Variants in MARCHF1 observed in about 807,000 individuals in gnomAD.
MARCHF1 encodes E3 ubiquitin-protein ligase MARCHF1.
A neutral mutation model predicts 54.2 loss-of-function variants in MARCHF1; 40 were observed. That is an observed-to-expected ratio of 0.74 (90% confidence interval 0.57 to 0.96). The LOEUF is 0.96. Among genes scored for constraint, MARCHF1 ranks in the 40% least tolerant of loss-of-function variants. MARCHF1 has a pLI of 0.00. For missense variants in MARCHF1, 586 were observed against 656.5 expected (o/e 0.89, Z 1.17); for synonymous variants, 236 against 236.3 (o/e 1.00, Z 0.01).
At chr4:164,101,518 G>C (rs929600319) in intron 2 of MARCHF1, among the ~76,000 whole-genome samples, 1 of 128,600 alleles carries the variant, frequency 7.8e-6, no homozygotes, top group African/African-American at 2.8e-5. Flanking sequence ...CACCTAACAT[G>C]GCAGGGTACT....
Position 163,585,933 on chromosome 4 carries a change from C to T in MARCHF1, c.1011-4G>A. 1 of 1,596,782 alleles carries T rather than the reference C, an allele frequency of 6.3e-7. No individual in the cohort carries two copies. Among genetic ancestry groups the T allele is most frequent in the Non-Finnish European group, 8.5e-7 (1 of 1,172,110 alleles). On this transcript the variant is annotated splice_region_variant and splice_polypyrimidine_tract_variant and intron_variant, in intron 7 of 9. Coordinates refer to ENST00000514618, the MANE Select transcript of MARCHF1 (RefSeq NM_001394959.1). ...ATCCCCTTCGCAGTGACAGATTCTGCAGAAAGACACAGCAGCCAGTATGAG... is the reference window on the plus strand; with the variant it reads ...ATCCCCTTCGCAGTGACAGATTCTGTAGAAAGACACAGCAGCCAGTATGAG...
chr4:163,755,951 A>T (rs1188033605), intron 4 of MARCHF1, among the ~76,000 whole-genome samples: 2 of 152,186 alleles, frequency 1.3e-5, no homozygotes, highest in African/African-American at 2.4e-5. Flanking sequence ...TCACAGATAT[A>T]CTGGTGCCAA....
chr4:163,890,266 T>A (rs1412701405), intron 3 of MARCHF1, among the ~76,000 whole-genome samples: 1 of 152,264 alleles, frequency 6.6e-6, no homozygotes, highest in Non-Finnish European at 1.5e-5. Flanking sequence ...TAGGAATGTA[T>A]GTTCTAATTT....
chr4:164,047,942 A>G (rs1474937908), intron 2 of MARCHF1, among the ~76,000 whole-genome samples: 2 of 152,168 alleles, frequency 1.3e-5, no homozygotes, highest in Non-Finnish European at 2.9e-5. Flanking sequence ...TTATCCTTCT[A>G]TGTAACCAAC....
intron 2 of MARCHF1, among the ~76,000 whole-genome samples, chr4:164,044,448 T>A (rs575231347): frequency 6.6e-6 from 1 of 152,102 alleles, no homozygotes; most frequent in East Asian, 1.9e-4. Flanking sequence ...TTGTGAGAAC[T>A]CACCCACTAT....
Position 164,050,355 on chromosome 4 carries a change from A to G in MARCHF1, c.-248+61233T>C, listed in dbSNP as rs540624237. On this transcript the variant is annotated intron_variant, in intron 2 of 9. Coordinates refer to ENST00000514618, the MANE Select transcript of MARCHF1 (RefSeq NM_001394959.1). ...CATCCTCCCACTGCATTCTCTATTA[A>G]CGGCATTTCCATTTCTTCAATAGCA... is the stretch of plus-strand genomic sequence containing the variant. Among the ~76,000 whole-genome samples the G allele has an allele frequency of 8.0e-5, 12 of 150,456 alleles. No individual in the cohort carries two copies. In the South Asian group the frequency reaches 2.5e-3, roughly 32 times the overall value.
intron 5 of MARCHF1, among the ~76,000 whole-genome samples, chr4:163,693,088 A>G (rs1341348456): frequency 6.6e-6 from 1 of 151,406 alleles, no homozygotes; most frequent in Admixed American, 6.6e-5. Flanking sequence ...GTCAAATATC[A>G]GAACAGTCCA....
intron 3 of MARCHF1, among the ~76,000 whole-genome samples, chr4:163,857,772 A>G (rs1749807859): frequency 6.6e-6 from 1 of 152,156 alleles, no homozygotes; most frequent in Non-Finnish European, 1.5e-5. Context: ...TTCAGAAAAC[A>G]TCTACTGAAC....
intron 1 of MARCHF1, among the ~76,000 whole-genome samples, chr4:164,226,699 C>A (rs1182927020): frequency 6.6e-6 from 1 of 151,730 alleles, no homozygotes; most frequent in Non-Finnish European, 1.5e-5. Flanking sequence ...AAACTTTGTA[C>A]TAAATGTATA....
intron 8 of MARCHF1, among the ~76,000 whole-genome samples, chr4:163,561,514 T>A (rs1739466730): frequency 6.6e-6 from 1 of 152,200 alleles, no homozygotes; most frequent in Admixed American, 6.5e-5. Context: ...CCAATACATC[T>A]ATCACACAAA....
intron 1 of MARCHF1, chr4:164,190,046 C>T: frequency 7.4e-7 from 1 of 1,342,722 alleles, no homozygotes; most frequent in Non-Finnish European, 1.1e-6. Flanking sequence ...TCAAGGAGTG[C>T]ATTGATACTA....
chr4:164,030,266 A>G (rs545375445), intron 2 of MARCHF1, among the ~76,000 whole-genome samples: 116 of 152,124 alleles, frequency 7.6e-4, no homozygotes, highest in African/African-American at 2.6e-3. Flanking sequence ...TTGGAAAAAA[A>G]TTAAAATCTA....
chr4:163,730,536 C>T (rs1745795600), intron 4 of MARCHF1, among the ~76,000 whole-genome samples: 1 of 152,074 alleles, frequency 6.6e-6, no homozygotes, highest in South Asian at 2.1e-4. Context: ...CTACCTTTTA[C>T]TCAAGATTTG....
intron 5 of MARCHF1, among the ~76,000 whole-genome samples, chr4:163,630,363 T>C (rs1001575280): frequency 6.6e-6 from 1 of 152,204 alleles, no homozygotes; most frequent in Non-Finnish European, 1.5e-5. Flanking sequence ...ATTCTATTTA[T>C]GAAATTCAAA....
At chr4:164,140,128 A>T (rs1315059584) in intron 1 of MARCHF1, among the ~76,000 whole-genome samples, 1 of 151,736 alleles carries the variant, frequency 6.6e-6, no homozygotes, top group Non-Finnish European at 1.5e-5. Flanking sequence ...GAGGTAAAAC[A>T]TACCCTTAGA....
chr4:164,159,434 T>G (rs1206699312), intron 1 of MARCHF1, among the ~76,000 whole-genome samples: 1 of 152,164 alleles, frequency 6.6e-6, no homozygotes, highest in Admixed American at 6.6e-5. Context: ...TGAATAAATG[T>G]TTCTCTCCTT....
intron 1 of MARCHF1, among the ~76,000 whole-genome samples, chr4:164,183,242 C>G (rs1269274233): frequency 6.6e-6 from 1 of 152,138 alleles, no homozygotes; most frequent in Non-Finnish European, 1.5e-5. Flanking sequence ...TCAATTCACT[C>G]TACATAATCA....
intron 2 of MARCHF1, among the ~76,000 whole-genome samples, chr4:164,049,079 T>C (rs1049160706): frequency 6.6e-6 from 1 of 152,218 alleles, no homozygotes; most frequent in Non-Finnish European, 1.5e-5. Flanking sequence ...ATAAAGATAC[T>C]ACCTGAGAAT....
At chr4:163,719,214 T>C (rs561088540) in intron 4 of MARCHF1, among the ~76,000 whole-genome samples, 51 of 145,704 alleles carry the variant, frequency 3.5e-4, no homozygotes, top group Non-Finnish European at 6.9e-4. Flanking sequence ...TGGTGTGTGA[T>C]GTTCCCCTTC....
Sources: allele counts gnomAD v4.1 joint callset (sites outside exome capture counted in the v4.1 genomes callset), GRCh38; gene constraint gnomAD v4.1.1; transcripts MANE v1.5; gene names NCBI Gene and HGNC (gene_info 2026-07-23, HGNC 2026-07-21).